GLIS3: variants seen among roughly 807,000 people sequenced by gnomAD.
GLIS3 encodes the protein zinc finger protein GLIS3.
Under a neutral mutation model 78.6 loss-of-function variants are expected in GLIS3, and 53 were observed. That is an observed-to-expected ratio of 0.67 (90% CI 0.54 to 0.85). GLIS3 has a LOEUF of 0.85. Among genes scored for constraint, GLIS3 ranks in the 40% least tolerant of loss-of-function variants. The probability of loss-of-function intolerance (pLI) is 0.00; values close to 1 mark genes in which losing one functional copy is unlikely to be tolerated. For missense variants in GLIS3, 1,703 were observed against 1,231.1 expected, an observed-to-expected ratio of 1.38 and a Z score of -5.74; for synonymous variants, 684 against 509.9, an observed-to-expected ratio of 1.34 and a Z score of -4.60.
At chr9:4,357,719 C>G in the GLIS3 span, among the ~76,000 whole-genome samples, 4 of 152,088 alleles carry the variant, frequency 2.6e-5, no homozygotes, top group African/African-American at 9.7e-5. Context: ...TGAGCATAAG[C>G]CTTTGATCAA....
At chr9:4,159,030 G>GAAAAAAAAAAAAAAAAAAAAAAAAAAAA (rs141412126) in intron 2 of GLIS3, among the ~76,000 whole-genome samples, 1 of 79,094 alleles carries the variant, frequency 1.3e-5, no homozygotes. Flanking sequence ...GAAAGGAGAA[G>GAAAAAAAAAAAAAAAAAAAAAAAAAAAA]AAGAAAAAAA....
chr9:4,356,709 A>T, the GLIS3 span, among the ~76,000 whole-genome samples: 1 of 152,246 alleles, frequency 6.6e-6, no homozygotes, highest in Non-Finnish European at 1.5e-5. Flanking sequence ...ATGAAATCGC[A>T]TGACTATTAG....
At chr9:4,150,511 C>T (rs1255384025) in intron 2 of GLIS3, among the ~76,000 whole-genome samples, 1 of 152,232 alleles carries the variant, frequency 6.6e-6, no homozygotes, top group Non-Finnish European at 1.5e-5. Context: ...TACCATCTAG[C>T]ACACAGCCTG....
At chr9:3,893,694 G>C (rs1008780425) in intron 7 of GLIS3, among the ~76,000 whole-genome samples, 1 of 152,144 alleles carries the variant, frequency 6.6e-6, no homozygotes, top group African/African-American at 2.4e-5. Flanking sequence ...AAAAACATTT[G>C]ACCAGCAGCA....
intron 9 of GLIS3, among the ~76,000 whole-genome samples, chr9:3,844,756 G>C (rs1356988804): frequency 6.6e-6 from 1 of 152,134 alleles, no homozygotes; most frequent in Non-Finnish European, 1.5e-5. Context: ...CCTAGCTCTT[G>C]TTATTTAATC....
chr9:4,016,692 G>C (rs1345302403), intron 4 of GLIS3, among the ~76,000 whole-genome samples: 1 of 151,412 alleles, frequency 6.6e-6, no homozygotes, highest in East Asian at 1.9e-4. Context: ...CTCTGATGTG[G>C]ACTTGAAAAC....
At chr9:3,891,121 A>T (rs894494996) in intron 7 of GLIS3, among the ~76,000 whole-genome samples, 1 of 151,462 alleles carries the variant, frequency 6.6e-6, no homozygotes, top group Non-Finnish European at 1.5e-5. Context: ...GAGGAGGAAA[A>T]GGTAGGTAAT....
intron 9 of GLIS3, among the ~76,000 whole-genome samples, chr9:3,843,228 G>A (rs556868752): frequency 3.3e-5 from 5 of 152,244 alleles, no homozygotes; most frequent in South Asian, 2.1e-4. Flanking sequence ...CTTCGAATCC[G>A]AGTCTGTTAT....
chr9:4,256,879 T>C (rs1824995161), intron 2 of GLIS3, among the ~76,000 whole-genome samples: 1 of 152,232 alleles, frequency 6.6e-6, no homozygotes, highest in Non-Finnish European at 1.5e-5. Flanking sequence ...CACTGTCTTG[T>C]AAAGATATCT....
intron 4 of GLIS3, among the ~76,000 whole-genome samples, chr9:4,088,350 T>C (rs1829219016): frequency 6.6e-6 from 1 of 152,240 alleles, no homozygotes; most frequent in African/African-American, 2.4e-5. Flanking sequence ...CTAATAATTA[T>C]TTGGTGAATC....
At chr9:4,450,213 A>G in the GLIS3 span, among the ~76,000 whole-genome samples, 2 of 152,224 alleles carry the variant, frequency 1.3e-5, no homozygotes, top group African/African-American at 4.8e-5. Flanking sequence ...ACAAACTTCA[A>G]TAGCCGATTC....
Position 4,052,979 on chromosome 9 carries a change from G to A in GLIS3, c.1710+64789C>T, listed in dbSNP as rs182367386. On this transcript the variant is annotated intron_variant, in intron 4 of 10. Transcript: ENST00000381971. ...ATTTTTATTTTTTTGAAAGAGTCTC[G>A]CTGTGTTGCCCAGCCTGGAGTGCAG... 5.4e-4 allele frequency among the ~76,000 whole-genome samples: 82 copies of A among 151,992 alleles called. 1 individual carries two copies. In the East Asian group the frequency reaches 0.015, roughly 28 times the overall value.
intron 4 of GLIS3, among the ~76,000 whole-genome samples, chr9:4,051,451 G>A (rs1825741970): frequency 6.6e-6 from 1 of 152,024 alleles, no homozygotes. Context: ...AAGCCTAAAT[G>A]TATCAAAATC....
chr9:3,978,774 G>C (rs1243582783), intron 4 of GLIS3, among the ~76,000 whole-genome samples: 1 of 152,070 alleles, frequency 6.6e-6, no homozygotes, highest in African/African-American at 2.4e-5. Flanking sequence ...GCACTCCCAA[G>C]TCTAAGTATC....
At chr9:3,868,216 A>G (rs1820733010) in intron 8 of GLIS3, among the ~76,000 whole-genome samples, 1 of 152,232 alleles carries the variant, frequency 6.6e-6, no homozygotes, top group Admixed American at 6.5e-5. Flanking sequence ...TCACTAGACA[A>G]ATTGCAACCA....
chr9:3,877,268 T>G (rs1027544391), intron 8 of GLIS3, among the ~76,000 whole-genome samples: 2 of 152,330 alleles, frequency 1.3e-5, no homozygotes, highest in Admixed American at 1.3e-4. Context: ...AATCTTAATT[T>G]ATAGGAATAT....
the GLIS3 span, among the ~76,000 whole-genome samples, chr9:4,428,483 C>CAAAAAA: frequency 1.4e-4 from 7 of 48,458 alleles, no homozygotes; most frequent in African/African-American, 5.2e-4. Context: ...GACTCTGTCT[C>CAAAAAA]AAAAAAAAAA....
At chr9:4,214,280 A>G (rs933761275) in intron 2 of GLIS3, among the ~76,000 whole-genome samples, 2 of 152,248 alleles carry the variant, frequency 1.3e-5, no homozygotes, top group Admixed American at 6.5e-5. Flanking sequence ...AAATTGACCC[A>G]TATTCTGTTT....
intron 4 of GLIS3, among the ~76,000 whole-genome samples, chr9:3,966,218 G>T (rs956456870): frequency 1.3e-5 from 2 of 152,188 alleles, no homozygotes; most frequent in Non-Finnish European, 2.9e-5. Context: ...ACTGTTGAAT[G>T]AATGACTGAA....
Sources: gnomAD v4.1 joint callset for allele counts (sites outside exome capture counted in the v4.1 genomes callset) on GRCh38, gnomAD v4.1.1 for gene constraint, MANE v1.5 for transcripts, NCBI Gene and HGNC (gene_info 2026-07-23, HGNC 2026-07-21) for gene names.